The following LCMT1 variants were observed in gnomAD, a reference collection of about 807,000 sequenced individuals.
The protein encoded by LCMT1 is [Phosphatase 2A protein]-leucine-carboxy methyltransferase 1.
LCMT1 carries 32 observed loss-of-function variants against 47.7 expected under a neutral mutation model. The observed-to-expected ratio is 0.67, with a 90% CI of 0.51 to 0.90. The LOEUF is 0.90. Among genes scored for constraint, LCMT1 ranks in the 40% least tolerant of loss-of-function variants. LCMT1 has a pLI of 0.00. For missense variants in LCMT1, 375 were observed against 415.2 expected (o/e 0.90, Z 0.84); for synonymous variants, 152 against 149.7 (o/e 1.02, Z -0.11).
chr16:25,135,952 A>G (rs1461820844), intron 3 of LCMT1, among the ~76,000 whole-genome samples: 1 of 152,036 alleles, frequency 6.6e-6, no homozygotes, highest in Non-Finnish European at 1.5e-5. Context: ...TCAGCCAGGC[A>G]TGGTGGTGCA....
rs1386799167 is a variant in LCMT1 at position 25,137,017 on chromosome 16, T to C, written c.328-3154T>C. 2.0e-5 allele frequency among the ~76,000 whole-genome samples: 3 copies of C among 152,176 alleles called. No homozygotes were observed. The South Asian group carries it at 6.2e-4, about 32-fold the overall frequency. On this transcript the variant is annotated intron_variant, in intron 3 of 10. Coordinates refer to ENST00000399069, the MANE Select transcript of LCMT1 (RefSeq NM_016309.3). ...TTTATATACCTTTAATTGTTCTCAT[T>C]GTCTTCTGGAATTTTAGGTGATCCT... is the stretch of plus-strand genomic sequence containing the variant.
At chr16:25,139,653 A>G (rs1191720239) in intron 3 of LCMT1, among the ~76,000 whole-genome samples, 1 of 152,176 alleles carries the variant, frequency 6.6e-6, no homozygotes, top group Non-Finnish European at 1.5e-5. Context: ...TGACCCTCCT[A>G]ATGGAGCTCA....
rs1250394189 is a variant in LCMT1, at chr16:25,132,451, A to G, written c.255A>G (p.Leu85=). ...HGVSQLIKAF[L]RKTECHCQIV... ...TCAGTCAGCTTATAAAGGCATTTCT[A>G]CGGAAGACAGAATGTCATTGTCAAA... is the stretch of plus-strand genomic sequence containing the variant. Residue 85 remains leucine (L), a synonymous_variant, in exon 3 of 11, where the codon CTA becomes CTG. Coordinates refer to ENST00000399069, the MANE Select transcript of LCMT1 (RefSeq NM_016309.3). The G allele has an allele frequency of 5.6e-6, 9 of 1,613,750 alleles. No homozygotes were observed. The highest frequency in any genetic ancestry group is 3.3e-4 in the Middle Eastern group (2 of 6,084).
intron 7 of LCMT1, among the ~76,000 whole-genome samples, chr16:25,165,737 G>A (rs1039767547): frequency 1.3e-5 from 2 of 151,278 alleles, no homozygotes; most frequent in South Asian, 2.1e-4. Context: ...GGCTGGTCTC[G>A]AACTCATGAC....
At chr16:25,154,037 T>G (rs1961160416) in intron 5 of LCMT1, among the ~76,000 whole-genome samples, 1 of 151,632 alleles carries the variant, frequency 6.6e-6, no homozygotes, top group Non-Finnish European at 1.5e-5. Flanking sequence ...TGAGATGGAG[T>G]CTCCCTCTGT....
At chr16:25,172,229 C>T (rs1961796410) in intron 9 of LCMT1, among the ~76,000 whole-genome samples, 1 of 151,704 alleles carries the variant, frequency 6.6e-6, no homozygotes, top group Admixed American at 6.6e-5. Flanking sequence ...ATTGCTTGAA[C>T]CTGGGAGGCG....
chr16:25,135,281 T>TAA (rs1316661688), intron 3 of LCMT1, among the ~76,000 whole-genome samples: 138 of 131,518 alleles, frequency 1.0e-3, no homozygotes, highest in African/African-American at 3.5e-3. Context: ...AAGTTTCTTT[T>TAA]AAAATATATA....
intron 3 of LCMT1, among the ~76,000 whole-genome samples, chr16:25,132,825 G>T (rs1790436746): frequency 6.6e-6 from 1 of 151,248 alleles, no homozygotes; most frequent in African/African-American, 2.4e-5. Flanking sequence ...CAGTAGAATT[G>T]CTGGAATGGA....
chr16:25,118,198 G>A (rs1959857643), intron 1 of LCMT1, among the ~76,000 whole-genome samples: 1 of 151,846 alleles, frequency 6.6e-6, no homozygotes, highest in Non-Finnish European at 1.5e-5. Context: ...TTCTTACGTG[G>A]GCTATAGGGC....
At chr16:25,123,843 A>G (rs1168463298) in intron 1 of LCMT1, among the ~76,000 whole-genome samples, 1 of 151,862 alleles carries the variant, frequency 6.6e-6, no homozygotes, top group Admixed American at 6.6e-5. Flanking sequence ...TCCTGACCTC[A>G]GGTGATCCGC....
intron 4 of LCMT1, chr16:25,142,958 T>C (rs1470842693): frequency 1.3e-5 from 2 of 152,050 alleles, no homozygotes; most frequent in African/African-American, 2.4e-5. Flanking sequence ...TTGGCTGCAG[T>C]TGGAGTGGTC....
At chr16:25,166,337 TGGTCAGTG>T (rs1031799505) in intron 7 of LCMT1, among the ~76,000 whole-genome samples, 2 of 151,840 alleles carry the variant, frequency 1.3e-5, no homozygotes, top group African/African-American at 4.8e-5. Context: ...CCTGAGATGA[TGGTCAGTG>T]GCTTATCACA....
At chr16:25,128,611 G>A (rs374559277) in intron 2 of LCMT1, 45 bp downstream of exon 2, 12 of 1,411,632 alleles carry the variant, frequency 8.5e-6, no homozygotes, top group African/African-American at 2.8e-5. Context: ...TCAGCTACCT[G>A]AGGTTTTAGG....
At chr16:25,147,008 TA>T (rs1960878355) in intron 4 of LCMT1, 6 of 152,194 alleles carry the variant, frequency 3.9e-5, no homozygotes, top group African/African-American at 1.2e-4. Flanking sequence ...GATGACTGCA[TA>T]TTGGTCTTTA....
chr16:25,118,350 C>T (rs558481705), intron 1 of LCMT1, among the ~76,000 whole-genome samples: 21 of 152,182 alleles, frequency 1.4e-4, no homozygotes, highest in South Asian at 2.1e-4. Flanking sequence ...CTGCCTGGAA[C>T]GCTTCCTCCA....
intron 3 of LCMT1, among the ~76,000 whole-genome samples, chr16:25,138,089 C>T (rs1294314158): frequency 3.3e-5 from 5 of 152,304 alleles, no homozygotes; most frequent in East Asian, 3.9e-4. Context: ...CCTCTACCAG[C>T]GAAGCCATCA....
chr16:25,162,036 A>T (rs2141699264), intron 6 of LCMT1, among the ~76,000 whole-genome samples: 1 of 152,218 alleles, frequency 6.6e-6, no homozygotes, highest in African/African-American at 2.4e-5. Context: ...TGGCATTATC[A>T]CAGTACAACT....
At position 25,135,458 on chromosome 16, in the gene LCMT1, A is replaced by G. The variant is rs946124249; in HGVS notation, c.327+2935A>G. On this transcript the variant is annotated intron_variant, in intron 3 of 10. Transcript: ENST00000399069. ...GTGCTTCAGCAGCCATATGACAATTATAACAGCAGAGTTGAGTAGTTACAA... is the reference window on the plus strand; with the variant it reads ...GTGCTTCAGCAGCCATATGACAATTGTAACAGCAGAGTTGAGTAGTTACAA... Among the ~76,000 whole-genome samples, 7 of 152,228 alleles carry G rather than the reference A, an allele frequency of 4.6e-5. No individual in the cohort carries two copies. In the South Asian group the frequency reaches 6.2e-4, roughly 13 times the overall value.
intron 3 of LCMT1, among the ~76,000 whole-genome samples, chr16:25,135,792 C>CA (rs1344201885): frequency 2.6e-5 from 4 of 151,816 alleles, no homozygotes; most frequent in African/African-American, 9.7e-5. Flanking sequence ...AGTCTTGTCA[C>CA]AAAAAAGGAA....
Sources: allele counts gnomAD v4.1 joint callset (sites outside exome capture counted in the v4.1 genomes callset), GRCh38; gene constraint gnomAD v4.1.1; transcripts MANE v1.5; gene names NCBI Gene and HGNC (gene_info 2026-07-23, HGNC 2026-07-21).